The following MAGI2 variants were observed in gnomAD, a reference collection of about 807,000 sequenced individuals.
The protein encoded by MAGI2 is membrane-associated guanylate kinase, WW and PDZ domain-containing protein 2.
In MAGI2, 35 loss-of-function variants were observed where a neutral mutation model predicts 133.3. The observed-to-expected ratio is 0.26, with a 90% CI of 0.20 to 0.35. The LOEUF (loss-of-function observed/expected upper bound fraction) is 0.35, where lower values mean the gene tolerates loss of function less well. Among genes scored for constraint, MAGI2 ranks in the 10% least tolerant of loss-of-function variants. The pLI is 1.00. For synonymous variants in MAGI2, 729 were observed against 710.6 expected, an observed-to-expected ratio of 1.03 and a Z score of -0.41; for missense variants, 1,636 against 1,863.4, an observed-to-expected ratio of 0.88 and a Z score of 2.25.
chr7:78,826,308 C>G (rs1305318325), intron 2 of MAGI2, among the ~76,000 whole-genome samples: 1 of 145,976 alleles, frequency 6.9e-6, no homozygotes, highest in African/African-American at 2.6e-5. Context: ...AAGCCGAGAT[C>G]GCGCCACTGC....
At chr7:79,053,350 A>C (rs903047681) in intron 1 of MAGI2, among the ~76,000 whole-genome samples, 1 of 151,574 alleles carries the variant, frequency 6.6e-6, no homozygotes, top group Non-Finnish European at 1.5e-5. Context: ...AACAAGGGAG[A>C]CTACACAGAA....
At chr7:78,629,596 T>G (rs1424027292) in intron 2 of MAGI2, among the ~76,000 whole-genome samples, 1 of 152,158 alleles carries the variant, frequency 6.6e-6, no homozygotes, top group Non-Finnish European at 1.5e-5. Flanking sequence ...GTTGGTTATT[T>G]CATTACTGAC....
intron 2 of MAGI2, among the ~76,000 whole-genome samples, chr7:78,977,738 T>C (rs1416368435): frequency 6.6e-6 from 1 of 151,816 alleles, no homozygotes; most frequent in Non-Finnish European, 1.5e-5. Flanking sequence ...GCTGAGGATA[T>C]AAAAATGCAA....
chr7:78,853,393 T>C (rs958702844), intron 2 of MAGI2, among the ~76,000 whole-genome samples: 8 of 132,522 alleles, frequency 6.0e-5, no homozygotes, highest in Non-Finnish European at 1.1e-4. Context: ...TCTCACTCTG[T>C]AGTCCAGGCT....
At chr7:78,323,661 C>T (rs777149021) in intron 9 of MAGI2, among the ~76,000 whole-genome samples, 3 of 152,112 alleles carry the variant, frequency 2.0e-5, no homozygotes, top group Non-Finnish European at 4.4e-5. Flanking sequence ...CCCCCGGCCC[C>T]ATAGAACCTA....
chr7:79,006,049 A>G (rs976519592), intron 2 of MAGI2, among the ~76,000 whole-genome samples: 1 of 152,176 alleles, frequency 6.6e-6, no homozygotes, highest in Admixed American at 6.6e-5. Flanking sequence ...GGGTAGGTCA[A>G]TAGGGCTGGG....
intron 2 of MAGI2, among the ~76,000 whole-genome samples, chr7:78,840,462 G>A (rs1177462484): frequency 1.3e-5 from 2 of 152,018 alleles, no homozygotes; most frequent in East Asian, 3.9e-4. Context: ...TGGTGCGCCT[G>A]TGAATGGGAC....
At chr7:78,376,685 G>C (rs1401482374) in intron 6 of MAGI2, among the ~76,000 whole-genome samples, 2 of 152,064 alleles carry the variant, frequency 1.3e-5, no homozygotes, top group Non-Finnish European at 2.9e-5. Flanking sequence ...ATAGTCAATA[G>C]TATTTTGGGG....
intron 3 of MAGI2, chr7:78,615,993 A>C (rs1807045288): frequency 6.6e-6 from 1 of 152,200 alleles, no homozygotes; most frequent in Admixed American, 6.5e-5. Flanking sequence ...CTAATTGATA[A>C]AAATATATTT....
chr7:78,667,518 C>G (rs1380064285), intron 2 of MAGI2, among the ~76,000 whole-genome samples: 1 of 151,492 alleles, frequency 6.6e-6, no homozygotes, highest in Non-Finnish European at 1.5e-5. Context: ...TTAGGTATAT[C>G]TCCTAATGCT....
chr7:78,212,424 A>G (rs373714898), intron 10 of MAGI2, among the ~76,000 whole-genome samples: 2 of 152,164 alleles, frequency 1.3e-5, no homozygotes, highest in Admixed American at 6.5e-5. Context: ...GAGAGATGGC[A>G]GCGTGAGGAG....
At chr7:78,593,155 A>G (rs527974291) in intron 3 of MAGI2, among the ~76,000 whole-genome samples, 5 of 151,440 alleles carry the variant, frequency 3.3e-5, no homozygotes, top group Admixed American at 1.3e-4. Flanking sequence ...TTTTAAAGCA[A>G]TTAGATGAGG....
chr7:78,792,185 G>A (rs560587722), intron 2 of MAGI2, among the ~76,000 whole-genome samples: 5 of 152,230 alleles, frequency 3.3e-5, no homozygotes, highest in African/African-American at 9.6e-5. Flanking sequence ...ATCCCTGCTG[G>A]CTGTGTAACT....
At chr7:78,391,387 T>G (rs544686142) in intron 6 of MAGI2, among the ~76,000 whole-genome samples, 5 of 150,666 alleles carry the variant, frequency 3.3e-5, no homozygotes, top group South Asian at 4.2e-4. Context: ...TTAAAAATTC[T>G]CTGGCATTCA....
At chr7:79,398,016 C>G (rs771247973) in intron 1 of MAGI2, among the ~76,000 whole-genome samples, 9 of 152,132 alleles carry the variant, frequency 5.9e-5, no homozygotes, top group Non-Finnish European at 1.0e-4. Flanking sequence ...ATTATTTATT[C>G]TCATATGTTT....
At chr7:78,517,507 T>C (rs1406672074) in intron 4 of MAGI2, among the ~76,000 whole-genome samples, 1 of 152,160 alleles carries the variant, frequency 6.6e-6, no homozygotes, top group Non-Finnish European at 1.5e-5. Flanking sequence ...TAAGCAAAAT[T>C]TCAGTATCTC....
At chr7:78,125,621 C>T (rs1375906843) in intron 20 of MAGI2, 73 bp downstream of exon 20, 1 of 1,520,618 alleles carries the variant, frequency 6.6e-7, no homozygotes, top group African/African-American at 1.4e-5. Context: ...CAGCATGCTT[C>T]AGTACTCTTC....
intron 1 of MAGI2, among the ~76,000 whole-genome samples, chr7:79,442,899 T>G (rs1388871921): frequency 6.6e-6 from 1 of 152,068 alleles, no homozygotes; most frequent in African/African-American, 2.4e-5. Context: ...TTGAAGAAAC[T>G]TTGTCTAGCA....
At chr7:79,103,232 G>T (rs1292806543) in intron 1 of MAGI2, among the ~76,000 whole-genome samples, 1 of 152,184 alleles carries the variant, frequency 6.6e-6, no homozygotes, top group Non-Finnish European at 1.5e-5. Flanking sequence ...TATTAGTCTG[G>T]CATTTAAAAA....
Sources: allele counts gnomAD v4.1 joint callset (sites outside exome capture counted in the v4.1 genomes callset), GRCh38; gene constraint gnomAD v4.1.1; transcripts MANE v1.5; gene names NCBI Gene and HGNC (gene_info 2026-07-23, HGNC 2026-07-21).